Variants in CDH13 observed in about 807,000 individuals in gnomAD.
The protein encoded by CDH13 is cadherin-13.
In CDH13, 24 loss-of-function variants were observed where a neutral mutation model predicts 63.8. The observed-to-expected ratio is 0.38, with a 90% CI of 0.27 to 0.53. The LOEUF is 0.53. Among genes scored for constraint, CDH13 ranks in the 20% least tolerant of loss-of-function variants. The pLI is 0.85. For synonymous variants in CDH13, 503 were observed against 355.3 expected (o/e 1.42, Z -4.67); for missense variants, 1,049 against 903.1 (o/e 1.16, Z -2.07).
intron 5 of CDH13, among the ~76,000 whole-genome samples, chr16:83,251,718 A>G (rs1402247532): frequency 1.3e-5 from 2 of 152,346 alleles, no homozygotes; most frequent in Middle Eastern, 3.4e-3. Context: ...CTACGCTGAG[A>G]AAGGTAGACC....
At chr16:83,258,268 G>A (rs1010299341) in intron 5 of CDH13, among the ~76,000 whole-genome samples, 1 of 152,136 alleles carries the variant, frequency 6.6e-6, no homozygotes, top group Non-Finnish European at 1.5e-5. Context: ...ATATTTTCAG[G>A]CAAATGTGCC....
At chr16:82,801,393 A>C (rs1024304125) in intron 1 of CDH13, among the ~76,000 whole-genome samples, 3 of 152,198 alleles carry the variant, frequency 2.0e-5, no homozygotes. Flanking sequence ...CTTTAAGGAA[A>C]AATACTCAGT....
At chr16:83,657,041 G>C (rs910762260) in intron 8 of CDH13, among the ~76,000 whole-genome samples, 11 of 152,176 alleles carry the variant, frequency 7.2e-5, no homozygotes, top group Non-Finnish European at 1.5e-5. Context: ...AGGGCACTCA[G>C]TTGGGCTTCA....
intron 8 of CDH13, among the ~76,000 whole-genome samples, chr16:83,619,129 C>T (rs972147839): frequency 1.3e-5 from 2 of 149,552 alleles, no homozygotes; most frequent in Non-Finnish European, 3.0e-5. Flanking sequence ...TTCCAAAGTA[C>T]ATTCATTCAT....
intron 7 of CDH13, among the ~76,000 whole-genome samples, chr16:83,587,892 C>A (rs4238702): frequency 0.95 from 144,618 of 152,036 alleles, 68,885 homozygotes; most frequent in Middle Eastern, 0.98. Context: ...GTCATTGGAG[C>A]CAGCCCCCAG....
At chr16:83,748,925 A>G (rs552028304) in intron 11 of CDH13, among the ~76,000 whole-genome samples, 8 of 152,282 alleles carry the variant, frequency 5.3e-5, no homozygotes, top group African/African-American at 1.9e-4. Context: ...AAGGAGGGCA[A>G]CCTCTTAGGA....
At chr16:83,129,496 A>G (rs912100329) in intron 4 of CDH13, among the ~76,000 whole-genome samples, 1 of 152,198 alleles carries the variant, frequency 6.6e-6, no homozygotes, top group African/African-American at 2.4e-5. Context: ...TTATGAAGCC[A>G]GCTACCCCTG....
intron 11 of CDH13, among the ~76,000 whole-genome samples, chr16:83,770,940 A>G (rs1416284167): frequency 5.9e-5 from 9 of 152,100 alleles, no homozygotes; most frequent in Admixed American, 5.9e-4. Flanking sequence ...GCCTCATTTT[A>G]CCCAGCACCT....
At chr16:83,284,920 T>A (rs550837882) in intron 5 of CDH13, among the ~76,000 whole-genome samples, 1 of 152,214 alleles carries the variant, frequency 6.6e-6, no homozygotes, top group Non-Finnish European at 1.5e-5. Flanking sequence ...ATAGGTTCTC[T>A]TGAGCTGGTT....
chr16:83,043,756 G>A lies in CDH13; in HGVS notation c.366+11538G>A, dbSNP rs1917537146. On this transcript the variant is annotated intron_variant, in intron 3 of 13. Transcript: ENST00000567109. The stretch of plus-strand genomic sequence containing the variant: ...TGCCTGTAATCCCAGCTACTCAGGA[G>A]GCTGAGGCAGGGGAACTGCTAGGTC... 2.6e-5 allele frequency among the ~76,000 whole-genome samples: 4 copies of A among 151,730 alleles called. No homozygotes were observed. The South Asian group carries it at 8.3e-4, about 32-fold the overall frequency.
At chr16:83,661,846 A>C (rs1913473440) in intron 8 of CDH13, among the ~76,000 whole-genome samples, 1 of 152,180 alleles carries the variant, frequency 6.6e-6, no homozygotes, top group South Asian at 2.1e-4. Flanking sequence ...CCCTGAGGGG[A>C]AGAGGGAGCA....
intron 7 of CDH13, among the ~76,000 whole-genome samples, chr16:83,577,650 G>A (rs1390333229): frequency 1.3e-5 from 2 of 152,172 alleles, no homozygotes; most frequent in Admixed American, 1.3e-4. Context: ...CTTCCCAGAG[G>A]GCTGAGGAGG....
chr16:82,660,734 A>G (rs2150924408), intron 1 of CDH13, among the ~76,000 whole-genome samples: 1 of 152,312 alleles, frequency 6.6e-6, no homozygotes, highest in East Asian at 1.9e-4. Context: ...GCAAAGAAAA[A>G]TGAAAACAGC....
At chr16:83,284,457 G>T (rs2089259459) in intron 5 of CDH13, among the ~76,000 whole-genome samples, 1 of 152,154 alleles carries the variant, frequency 6.6e-6, no homozygotes, top group African/African-American at 2.4e-5. Flanking sequence ...CAGCTACTTA[G>T]TGAACTCTCA....
intron 4 of CDH13, among the ~76,000 whole-genome samples, chr16:83,135,831 C>T (rs1314938965): frequency 2.0e-5 from 3 of 152,176 alleles, no homozygotes; most frequent in Non-Finnish European, 4.4e-5. Context: ...TGATGGAATA[C>T]TACTCAGCCA....
intron 1 of CDH13, among the ~76,000 whole-genome samples, chr16:82,705,457 C>T (rs1311901235): frequency 2.6e-5 from 4 of 152,216 alleles, no homozygotes; most frequent in Non-Finnish European, 5.9e-5. Context: ...ATTAGCTCGG[C>T]TTCCTGCATC....
intron 6 of CDH13, among the ~76,000 whole-genome samples, chr16:83,479,073 A>T (rs1029850409): frequency 2.6e-5 from 4 of 152,232 alleles, no homozygotes; most frequent in Non-Finnish European, 5.9e-5. Context: ...GTCATTCGAC[A>T]GTTTCCCTAT....
At chr16:83,579,835 G>T (rs531561839) in intron 7 of CDH13, among the ~76,000 whole-genome samples, 2 of 151,850 alleles carry the variant, frequency 1.3e-5, no homozygotes, top group African/African-American at 4.8e-5. Flanking sequence ...CAGTGTGGGG[G>T]CAGAAAACTG....
chr16:83,362,316 G>A (rs1005045946), intron 6 of CDH13, among the ~76,000 whole-genome samples: 15 of 152,246 alleles, frequency 9.9e-5, no homozygotes, highest in African/African-American at 3.1e-4. Context: ...TGTCACAGCC[G>A]CGTGTATGAG....
Sources: allele counts gnomAD v4.1 joint callset (sites outside exome capture counted in the v4.1 genomes callset), GRCh38; gene constraint gnomAD v4.1.1; transcripts MANE v1.5; gene names NCBI Gene and HGNC (gene_info 2026-07-23, HGNC 2026-07-21).